The following C6orf89 variants were observed in gnomAD, a reference collection of about 807,000 sequenced individuals.
The protein encoded by C6orf89 is chromosome 6 open reading frame 89, also known as bombesin receptor-activated protein C6orf89.
Under a neutral mutation model 40.7 loss-of-function variants are expected in C6orf89, and 29 were observed. The observed-to-expected ratio is 0.71, with a 90% CI of 0.53 to 0.97. The LOEUF (loss-of-function observed/expected upper bound fraction) is 0.97. Among genes scored for constraint, C6orf89 ranks in the 50% least tolerant of loss-of-function variants. The pLI is 0.00. For synonymous variants in C6orf89, 165 were observed against 152.2 expected, an observed-to-expected ratio of 1.08 and a Z score of -0.62; for missense variants, 392 against 429.1, an observed-to-expected ratio of 0.91 and a Z score of 0.76.
In C6orf89 at chr6:36,927,157, A is replaced by G. The variant is rs1762707948; in HGVS notation, c.*3716A>G. 1 of 152,242 alleles carries G rather than the reference A, an allele frequency of 6.6e-6. No individual in the cohort carries two copies. Among genetic ancestry groups the G allele is most frequent in the South Asian group, 2.1e-4 (1 of 4,836 alleles). The allele number at this position is 152,242 out of a possible 1,614,324, so 9.4% of individuals were successfully genotyped here. On this transcript the variant is annotated 3_prime_UTR_variant, in exon 9 of 9. Transcript: ENST00000480824. Reference sequence around the variant, plus strand: ...TGTGACAGAGGAGGGACTCTGCTCAATTCCAGTTGTGGGTCCCCTTGGAGT... The same window carrying G: ...TGTGACAGAGGAGGGACTCTGCTCAGTTCCAGTTGTGGGTCCCCTTGGAGT...
rs148125302 is a variant in C6orf89, at chr6:36,879,996, C to T, written c.-503+864C>T. On this transcript the variant is annotated intron_variant, in intron 2 of 9. Transcript: ENST00000359359. ...GTGGCTCACTGGCCTTTCACACTGG[C>T]GGTTCCAGTTCCATTCCCTGCTTAG... is the stretch of plus-strand genomic sequence containing the variant. Among the ~76,000 whole-genome samples the T allele has an allele frequency of 3.5e-3, 534 of 152,314 alleles. 1 individual carries two copies. Among genetic ancestry groups the T allele is most frequent in the Non-Finnish European group, 5.7e-3 (391 of 68,016 alleles).
At chr6:36,889,582 C>CAAAAAAAAA (rs58417436) in intron 1 of C6orf89, among the ~76,000 whole-genome samples, 1,521 of 140,340 alleles carry the variant, frequency 0.011, 12 homozygotes, top group African/African-American at 0.029. Context: ...AAAACAAAAA[C>CAAAAAAAAA]AAAAAAAAAA....
At chr6:36,871,894 G>A (rs778019289) in exon 1 of C6orf89, 2 of 1,550,122 alleles carry the variant, frequency 1.3e-6, no homozygotes, top group Non-Finnish European at 1.7e-6. Flanking sequence ...GAGGACAACA[G>A]CTCCAGTAAA....
intron 2 of C6orf89, among the ~76,000 whole-genome samples, chr6:36,898,840 A>G (rs1761549140): frequency 6.6e-6 from 1 of 152,180 alleles, no homozygotes; most frequent in Admixed American, 6.6e-5. Flanking sequence ...ATTAAAAAAA[A>G]GAAGAAGAAA....
At chr6:36,914,492 G>T in intron 5 of C6orf89, 57 bp downstream of exon 5, 1 of 1,612,166 alleles carries the variant, frequency 6.2e-7, no homozygotes. Context: ...GCTAGGTCAA[G>T]CTCTAGGAAA....
At position 36,924,193 on chromosome 6, in the gene C6orf89, G is replaced by A. The variant is rs1762609293; in HGVS notation, c.*752G>A. 6.5e-6 allele frequency: 1 copy of A among 154,558 alleles called. No individual in the cohort carries two copies. Among genetic ancestry groups the A allele is most frequent in the Non-Finnish European group, 1.4e-5 (1 of 69,630 alleles). The allele number at this position is 154,558 out of a possible 1,614,324, so 9.6% of individuals were successfully genotyped here. A position where few individuals can be genotyped will look rare whatever the true frequency, so the allele number is the denominator to read the frequency against. ...ATGGCTTCTCAGAAGCTCGGCCCTA[G>A]TCCTCCCTGCCTTGGCGGGGCCAGA... On this transcript the variant is annotated 3_prime_UTR_variant, in exon 9 of 9. Transcript: ENST00000480824.
chr6:36,872,201 C>A (rs1466099016), intron 1 of C6orf89, among the ~76,000 whole-genome samples: 1 of 151,166 alleles, frequency 6.6e-6, no homozygotes, highest in Non-Finnish European at 1.5e-5. Flanking sequence ...ATAACCAACC[C>A]CTAAATTAGG....
chr6:36,914,589 T>C lies in C6orf89; in HGVS notation c.591T>C (p.His197=), dbSNP rs1359753552. Residue 197 remains histidine (H), a synonymous_variant, in exon 6 of 9, where the codon CAT becomes CAC. Transcript: ENST00000480824. ...GKPLLEEEIQ[H]FLCQYPEATE... is the part of the protein sequence containing the mutation. ...CCCTGTTGGAGGAAGAGATTCAGCATTTTTTGTGCCAGTACCCTGAGGCGA... is the reference window on the plus strand; with the variant it reads ...CCCTGTTGGAGGAAGAGATTCAGCACTTTTTGTGCCAGTACCCTGAGGCGA... The C allele has an allele frequency of 3.1e-6, 5 of 1,614,194 alleles. No homozygotes were observed. The highest frequency in any genetic ancestry group is 1.7e-5 in the Admixed American group (1 of 60,030).
At chr6:36,909,554 T>C (rs1762047145) in intron 4 of C6orf89, among the ~76,000 whole-genome samples, 1 of 152,158 alleles carries the variant, frequency 6.6e-6, no homozygotes, top group Non-Finnish European at 1.5e-5. Flanking sequence ...TCCTTGTTCA[T>C]ATTTTTTCCC....
intron 6 of C6orf89, among the ~76,000 whole-genome samples, chr6:36,916,105 C>T (rs913495011): frequency 1.3e-5 from 2 of 152,162 alleles, no homozygotes; most frequent in Middle Eastern, 3.2e-3. Context: ...TCTCTCTTCT[C>T]CCCTTCCCCC....
At chr6:36,910,109 A>G (rs1349137899) in intron 4 of C6orf89, among the ~76,000 whole-genome samples, 2 of 151,420 alleles carry the variant, frequency 1.3e-5, no homozygotes, top group African/African-American at 2.4e-5. Context: ...TGAACTCTCT[A>G]TGGTTTGGAG....
At chr6:36,897,922 A>G (rs1032639458) in intron 2 of C6orf89, among the ~76,000 whole-genome samples, 4 of 152,182 alleles carry the variant, frequency 2.6e-5, no homozygotes, top group African/African-American at 9.7e-5. Flanking sequence ...AGTATGCAAA[A>G]TAAAAGGACC....
At chr6:36,875,798 A>G (rs1245787524) in intron 1 of C6orf89, among the ~76,000 whole-genome samples, 1 of 152,280 alleles carries the variant, frequency 6.6e-6, no homozygotes, top group Non-Finnish European at 1.5e-5. Context: ...AGCCTTACAG[A>G]TTAAATAACT....
chr6:36,902,521 G>C (rs1169489721), intron 4 of C6orf89, 87 bp downstream of exon 4: 2 of 1,176,640 alleles, frequency 1.7e-6, no homozygotes, highest in Non-Finnish European at 2.4e-6. Context: ...GATACCTAAT[G>C]AGAGGCAAGC....
rs200805293 is a variant in C6orf89, at chr6:36,901,676, A to AT, written c.190-535dup. On this transcript the variant is annotated intron_variant, in intron 3 of 8. Coordinates refer to ENST00000480824, the MANE Select transcript of C6orf89 (RefSeq NM_001286635.2). Reference sequence around the variant, plus strand: ...TTATTATTTTTATTTATTTATTTTTATTTTTTTTTTGAGACGGAGTCTCTC... The same window carrying AT: ...TTATTATTTTTATTTATTTATTTTTATTTTTTTTTTTGAGACGGAGTCTCTC... Among the ~76,000 whole-genome samples the AT allele has an allele frequency of 0.021, 2,732 of 128,704 alleles. 180 individuals carry two copies. In the East Asian group the frequency reaches 0.27, roughly 13 times the overall value. The allele number at this position is 128,704 out of a possible 152,430, so 84.4% of individuals were successfully genotyped here. A position where few individuals can be genotyped will look rare whatever the true frequency, so the allele number is the denominator to read the frequency against.
At chr6:36,910,727 T>TAA (rs141066510) in intron 4 of C6orf89, among the ~76,000 whole-genome samples, 5 of 124,414 alleles carry the variant, frequency 4.0e-5, no homozygotes, top group Non-Finnish European at 5.1e-5. Context: ...ACCCTGTCTC[T>TAA]AAAAAAAAAA....
chr6:36,886,084 C>CCGT (rs1297315703), intron 1 of C6orf89, 56 bp downstream of exon 1: 5 of 1,238,956 alleles, frequency 4.0e-6, no homozygotes, highest in South Asian at 3.4e-5. Context: ...GACAGCCTCG[C>CCGT]CGCGCCCGTC....
intron 4 of C6orf89, among the ~76,000 whole-genome samples, chr6:36,911,159 A>G (rs1189194129): frequency 3.3e-5 from 5 of 152,204 alleles, no homozygotes; most frequent in Non-Finnish European, 5.9e-5. Context: ...TGGAAATCCC[A>G]AGAATATCTA....
At chr6:36,886,061 G>C in intron 1 of C6orf89, 33 bp downstream of exon 1, 1 of 1,191,156 alleles carries the variant, frequency 8.4e-7, no homozygotes, top group African/African-American at 2.1e-5. Context: ...TGGGTGGGGG[G>C]AGGCCGCCCT....
Sources: allele counts gnomAD v4.1 joint callset (sites outside exome capture counted in the v4.1 genomes callset), GRCh38; gene constraint gnomAD v4.1.1; transcripts MANE v1.5; gene names NCBI Gene and HGNC (gene_info 2026-07-23, HGNC 2026-07-21).